The following PTPRT variants were observed in gnomAD, a reference collection of about 807,000 sequenced individuals.
PTPRT encodes receptor-type tyrosine-protein phosphatase T.
Under a neutral mutation model 176.8 loss-of-function variants are expected in PTPRT, and 56 were observed. That is an observed-to-expected ratio of 0.32 (90% CI 0.26 to 0.40). PTPRT has a LOEUF of 0.40. Ranked by LOEUF, PTPRT falls within the 10% of genes least tolerant of loss-of-function variation. The pLI, the probability that PTPRT is intolerant of heterozygous loss-of-function variation, is 1.00. For missense variants in PTPRT, 1,540 were observed against 1,908.2 expected, an observed-to-expected ratio of 0.81 and a Z score of 3.60; for synonymous variants, 783 against 739.0, an observed-to-expected ratio of 1.06 and a Z score of -0.96.
intron 2 of PTPRT, among the ~76,000 whole-genome samples, chr20:42,815,767 A>G (rs1255456099): frequency 1.3e-5 from 2 of 152,152 alleles, no homozygotes; most frequent in Non-Finnish European, 2.9e-5. Flanking sequence ...CTTCTCATCA[A>G]CCACTTTGGA....
intron 7 of PTPRT, among the ~76,000 whole-genome samples, chr20:42,486,164 A>C (rs1297459807): frequency 6.6e-6 from 1 of 152,208 alleles, no homozygotes; most frequent in Non-Finnish European, 1.5e-5. Context: ...TGACCCCTCT[A>C]ATAGGGGCTG....
chr20:42,116,178 T>C, intron 21 of PTPRT: 2 of 701,506 alleles, frequency 2.9e-6, no homozygotes, highest in South Asian at 1.5e-5. Context: ...TGGGAAATGC[T>C]GTATTACACA....
intron 6 of PTPRT, among the ~76,000 whole-genome samples, chr20:42,739,204 C>CCAA (rs1255694157): frequency 2.0e-5 from 3 of 152,108 alleles, no homozygotes; most frequent in African/African-American, 7.2e-5. Context: ...GAAGCCATGG[C>CCAA]CAACAGCTCC....
chr20:42,236,375 A>G, intron 14 of PTPRT, 117 bp from the exon 15 acceptor site: 2 of 867,458 alleles, frequency 2.3e-6, no homozygotes, highest in Non-Finnish European at 3.7e-6. Flanking sequence ...TGCACATATT[A>G]TTTCAGCATC....
At chr20:42,438,400 C>T (rs1003203881) in intron 9 of PTPRT, among the ~76,000 whole-genome samples, 1 of 152,134 alleles carries the variant, frequency 6.6e-6, no homozygotes, top group African/African-American at 2.4e-5. Flanking sequence ...GTTACCATGG[C>T]ACGGATATGA....
chr20:42,546,041 T>C (rs568434741), intron 7 of PTPRT, among the ~76,000 whole-genome samples: 40 of 152,310 alleles, frequency 2.6e-4, no homozygotes, highest in African/African-American at 9.1e-4. Flanking sequence ...CATGTATACA[T>C]AGGTAAACAT....
At chr20:42,149,487 G>T (rs1271584591) in intron 17 of PTPRT, among the ~76,000 whole-genome samples, 1 of 151,116 alleles carries the variant, frequency 6.6e-6, no homozygotes, top group Non-Finnish European at 1.5e-5. Context: ...GCAATGGCAT[G>T]ATCTCAGCTC....
At chr20:42,580,121 T>C (rs1403918022) in intron 7 of PTPRT, among the ~76,000 whole-genome samples, 1 of 152,342 alleles carries the variant, frequency 6.6e-6, no homozygotes, top group Middle Eastern at 3.4e-3. Flanking sequence ...TTTCTACATA[T>C]GGCTAGCCAG....
chr20:42,082,039 G>C, intron 29 of PTPRT, 22 bp from the exon 30 acceptor site: 1 of 1,613,960 alleles, frequency 6.2e-7, no homozygotes, highest in Non-Finnish European at 8.5e-7. Context: ...GCAAAGAGGT[G>C]AGCCATGTTC....
chr20:42,159,563 C>T (rs988350535), intron 17 of PTPRT, among the ~76,000 whole-genome samples: 1 of 152,026 alleles, frequency 6.6e-6, no homozygotes, highest in Non-Finnish European at 1.5e-5. Context: ...ACCATTCAAC[C>T]CCCTAGGAAA....
At chr20:42,481,098 T>C (rs972258071) in intron 7 of PTPRT, among the ~76,000 whole-genome samples, 1 of 152,088 alleles carries the variant, frequency 6.6e-6, no homozygotes, top group African/African-American at 2.4e-5. Flanking sequence ...ACAGTCTCTG[T>C]TGCATCTTTC....
At chr20:42,313,669 G>T (rs576838197) in intron 12 of PTPRT, among the ~76,000 whole-genome samples, 77 of 152,306 alleles carry the variant, frequency 5.1e-4, no homozygotes, top group Non-Finnish European at 9.8e-4. Flanking sequence ...TTAGAGGGTT[G>T]TGCTGAACTG....
At chr20:43,057,333 AGGAGG>A (rs139485025) in intron 1 of PTPRT, among the ~76,000 whole-genome samples, 1,412 of 71,346 alleles carry the variant, frequency 0.02, 42 homozygotes, top group African/African-American at 0.075. Flanking sequence ...GAAGGGGAGA[AGGAGG>A]GGAGGGGAGA....
intron 7 of PTPRT, among the ~76,000 whole-genome samples, chr20:42,493,442 A>C (rs2071596919): frequency 6.6e-6 from 1 of 152,056 alleles, no homozygotes; most frequent in East Asian, 1.9e-4. Flanking sequence ...TGTAAGTTCT[A>C]GGTTCTGTAC....
intron 7 of PTPRT, among the ~76,000 whole-genome samples, chr20:42,474,195 G>T (rs2071247497): frequency 6.6e-6 from 1 of 152,116 alleles, no homozygotes; most frequent in Non-Finnish European, 1.5e-5. Context: ...AGTGCTGGGA[G>T]CACCCTTATG....
chr20:43,079,792 A>G (rs1331417647), intron 1 of PTPRT, among the ~76,000 whole-genome samples: 1 of 152,158 alleles, frequency 6.6e-6, no homozygotes, highest in Non-Finnish European at 1.5e-5. Flanking sequence ...TAAGTAAATG[A>G]TGTTATACGC....
At chr20:42,276,407 T>G (rs892600680) in intron 13 of PTPRT, among the ~76,000 whole-genome samples, 2 of 146,884 alleles carry the variant, frequency 1.4e-5, no homozygotes, top group Non-Finnish European at 3.0e-5. Context: ...GCTTTTTCCT[T>G]AGAGAACTGA....
rs1191412046 is a variant in PTPRT at position 42,973,407 on chromosome 20, A to G, written c.89-87475T>C. Among the ~76,000 whole-genome samples, 4 of 152,070 alleles carry G rather than the reference A, an allele frequency of 2.6e-5. No individual in the cohort carries two copies. In the East Asian group the frequency reaches 7.7e-4, roughly 29 times the overall value. On this transcript the variant is annotated intron_variant, in intron 1 of 30. Transcript: ENST00000373187. ...GTCACCTCCCCAGAGGAACTGTTGC[A>G]ATCTCCACCCCACTTCTTTATCCCA... is the stretch of plus-strand genomic sequence containing the variant.
intron 9 of PTPRT, among the ~76,000 whole-genome samples, chr20:42,404,498 A>T (rs569107851): frequency 6.6e-6 from 1 of 152,290 alleles, no homozygotes; most frequent in Non-Finnish European, 1.5e-5. Context: ...CATCAAATAG[A>T]AAAATTTGAC....
Sources: allele counts gnomAD v4.1 joint callset (sites outside exome capture counted in the v4.1 genomes callset), GRCh38; gene constraint gnomAD v4.1.1; transcripts MANE v1.5; gene names NCBI Gene and HGNC (gene_info 2026-07-23, HGNC 2026-07-21).